The following MAP2K6 variants were observed in gnomAD, a reference collection of about 807,000 sequenced individuals.
The protein encoded by MAP2K6 is dual specificity mitogen-activated protein kinase kinase 6.
MAP2K6 carries 16 observed loss-of-function variants against 53.7 expected under a neutral mutation model. The observed-to-expected ratio is 0.30, with a 90% CI of 0.20 to 0.45. The LOEUF (loss-of-function observed/expected upper bound fraction) is 0.45, where lower values mean the gene tolerates loss of function less well. Among genes scored for constraint, MAP2K6 ranks in the 20% least tolerant of loss-of-function variants. The pLI is 1.00. For synonymous variants in MAP2K6, 132 were observed against 143.1 expected (o/e 0.92, Z 0.55); for missense variants, 204 against 411.9 (o/e 0.50, Z 4.37).
At chr17:69,533,975 C>A (rs559966309) in intron 10 of MAP2K6, among the ~76,000 whole-genome samples, 1 of 152,232 alleles carries the variant, frequency 6.6e-6, no homozygotes, top group Non-Finnish European at 1.5e-5. Flanking sequence ...CAAGGAGGGA[C>A]CACCTATTAC....
chr17:69,512,600 G>A (rs1909913771), intron 2 of MAP2K6, among the ~76,000 whole-genome samples: 1 of 152,086 alleles, frequency 6.6e-6, no homozygotes, highest in South Asian at 2.1e-4. Flanking sequence ...GCCTCCCGAA[G>A]TGTTGGGATT....
intron 1 of MAP2K6, among the ~76,000 whole-genome samples, chr17:69,420,755 T>C (rs551892568): frequency 2.0e-5 from 3 of 152,188 alleles, no homozygotes; most frequent in East Asian, 1.9e-4. Context: ...TTCTTCAGAA[T>C]CTTTAGTATA....
At chr17:69,469,948 T>G (rs1205189698) in intron 1 of MAP2K6, among the ~76,000 whole-genome samples, 3 of 152,028 alleles carry the variant, frequency 2.0e-5, no homozygotes, top group Non-Finnish European at 4.4e-5. Flanking sequence ...ATGCCTGTAA[T>G]CCCAGAACTT....
intron 2 of MAP2K6, among the ~76,000 whole-genome samples, chr17:69,510,338 G>A (rs1203452888): frequency 1.3e-5 from 2 of 152,078 alleles, no homozygotes; most frequent in Non-Finnish European, 2.9e-5. Context: ...TTTGTGCATT[G>A]TTGGATTCGA....
At chr17:69,513,119 G>A (rs1020509671) in intron 2 of MAP2K6, among the ~76,000 whole-genome samples, 6 of 152,154 alleles carry the variant, frequency 3.9e-5, no homozygotes, top group Non-Finnish European at 7.3e-5. Flanking sequence ...AAACTAATAT[G>A]CCCAGCCCTG....
In MAP2K6 at chr17:69,494,561, G is replaced by C. The variant is rs768750464; in HGVS notation, c.17-11219G>C. Among the ~76,000 whole-genome samples, 2 of 152,010 alleles carry C rather than the reference G, an allele frequency of 1.3e-5. No individual in the cohort carries two copies. Among genetic ancestry groups the C allele is most frequent in the Non-Finnish European group, 2.9e-5 (2 of 67,994 alleles). The stretch of plus-strand genomic sequence containing the variant: ...AGCCCCTGGATTAAAAGGGAAATAA[G>C]ACCCTGTACTGATAGCATTCTAGGG... On this transcript the variant is annotated intron_variant, in intron 1 of 11. Coordinates refer to ENST00000590474, the MANE Select transcript of MAP2K6 (RefSeq NM_002758.4). The surrounding 1 kb of genome is among the most constrained non-coding windows in gnomAD (Gnocchi z 4.2).
chr17:69,443,988 T>C (rs1906896854), intron 1 of MAP2K6, among the ~76,000 whole-genome samples: 1 of 152,148 alleles, frequency 6.6e-6, no homozygotes. Flanking sequence ...CTTAGGATAT[T>C]GAAGGACAAG....
At chr17:69,525,026 C>A in intron 9 of MAP2K6, 48 bp downstream of exon 9, 1 of 1,515,664 alleles carries the variant, frequency 6.6e-7, no homozygotes, top group Non-Finnish European at 9.2e-7. Context: ...GGTAATGAAA[C>A]TAGAATGAGG....
chr17:69,486,287 T>C (rs1908533299), intron 1 of MAP2K6, among the ~76,000 whole-genome samples: 1 of 152,194 alleles, frequency 6.6e-6, no homozygotes, highest in Admixed American at 6.5e-5. Context: ...TTTTAGGCAT[T>C]GGAGAATGGA....
chr17:69,424,308 C>T (rs1004103826), intron 1 of MAP2K6, among the ~76,000 whole-genome samples: 4 of 152,132 alleles, frequency 2.6e-5, no homozygotes, highest in Admixed American at 6.5e-5. Flanking sequence ...CAGATTTGTT[C>T]ACCACATCCA....
intron 2 of MAP2K6, 59 bp from the exon 3 acceptor site, chr17:69,516,796 G>T: frequency 8.0e-7 from 1 of 1,256,638 alleles, no homozygotes; most frequent in Non-Finnish European, 1.1e-6. Flanking sequence ...GTGTGATTTG[G>T]GAAGGACATA....
intron 1 of MAP2K6, among the ~76,000 whole-genome samples, chr17:69,427,683 GT>G (rs1906316953): frequency 6.6e-6 from 1 of 152,152 alleles, no homozygotes; most frequent in Admixed American, 6.5e-5. Context: ...CCACAGGGCA[GT>G]TTTGGCCTCA....
At chr17:69,495,670 T>A (rs1757805254) in intron 1 of MAP2K6, among the ~76,000 whole-genome samples, 1 of 152,174 alleles carries the variant, frequency 6.6e-6, no homozygotes, top group African/African-American at 2.4e-5. Context: ...TCTGCCTTTT[T>A]TTTTGAAGCA....
At chr17:69,472,643 G>T (rs1309121940) in intron 1 of MAP2K6, among the ~76,000 whole-genome samples, 1 of 152,154 alleles carries the variant, frequency 6.6e-6, no homozygotes, top group Non-Finnish European at 1.5e-5. Context: ...CTGAGCTACT[G>T]GGATAAGATC....
intron 1 of MAP2K6, among the ~76,000 whole-genome samples, chr17:69,425,722 G>C (rs752048521): frequency 3.6e-4 from 55 of 152,184 alleles, no homozygotes; most frequent in Non-Finnish European, 7.6e-4. Flanking sequence ...TAGATGGTCT[G>C]GTTGTTGAGT....
intron 1 of MAP2K6, among the ~76,000 whole-genome samples, chr17:69,420,039 A>G (rs1443881001): frequency 6.6e-6 from 1 of 152,172 alleles, no homozygotes; most frequent in African/African-American, 2.4e-5. Flanking sequence ...TAAACAATTT[A>G]ATTCCTTGAT....
chr17:69,530,269 T>G (rs909463898), intron 10 of MAP2K6, among the ~76,000 whole-genome samples: 1 of 152,050 alleles, frequency 6.6e-6, no homozygotes, highest in Non-Finnish European at 1.5e-5. Flanking sequence ...GAGCCATAAT[T>G]GTCCCACTGC....
intron 1 of MAP2K6, among the ~76,000 whole-genome samples, chr17:69,471,924 A>G (rs117775940): frequency 6.6e-6 from 1 of 152,168 alleles, no homozygotes; most frequent in African/African-American, 2.4e-5. Flanking sequence ...AAAAATTACT[A>G]TCTGTTTCTA....
rs538727844 is a variant in MAP2K6, at chr17:69,415,855, G to A, written c.16+855G>A. ...CAGCTGTAATAGGTTGGAAGTTCAC[G>A]TTATGGTTGTTTTCTTTATGTTCTT... is the stretch of plus-strand genomic sequence containing the variant. On this transcript the variant is annotated intron_variant, in intron 1 of 11. Coordinates refer to ENST00000590474, the MANE Select transcript of MAP2K6 (RefSeq NM_002758.4). Among the ~76,000 whole-genome samples, 4 of 152,300 alleles carry A rather than the reference G, an allele frequency of 2.6e-5. No homozygotes were observed. In the South Asian group the frequency reaches 8.3e-4, roughly 32 times the overall value.
Sources: gnomAD v4.1 joint callset for allele counts (sites outside exome capture counted in the v4.1 genomes callset) on GRCh38, gnomAD v4.1.1 for gene constraint, Gnocchi (gnomAD v3.1) non-coding constraint, MANE v1.5 for transcripts, NCBI Gene and HGNC (gene_info 2026-07-23, HGNC 2026-07-21) for gene names.